Variants in KLF12 observed in about 807,000 individuals in gnomAD.
KLF12 encodes KLF transcription factor 12.
Under a neutral mutation model 37.8 loss-of-function variants are expected in KLF12, and 9 were observed. The observed-to-expected ratio is 0.24, with a 90% CI of 0.14 to 0.42. The LOEUF (loss-of-function observed/expected upper bound fraction) is 0.42. Ranked by LOEUF, KLF12 falls within the 10% of genes least tolerant of loss-of-function variation. The pLI, the probability that KLF12 is intolerant of heterozygous loss-of-function variation, is 1.00. For synonymous variants in KLF12, 208 were observed against 202.1 expected (o/e 1.03, Z -0.25); for missense variants, 411 against 516.0 (o/e 0.80, Z 1.97).
chr13:74,036,396 C>T (rs1043955393), intron 1 of KLF12, among the ~76,000 whole-genome samples: 6 of 152,118 alleles, frequency 3.9e-5, no homozygotes, highest in African/African-American at 1.4e-4. Context: ...AAATGAAAAA[C>T]AAGCTATTTT....
intron 1 of KLF12, among the ~76,000 whole-genome samples, chr13:74,018,057 A>G (rs1892745125): frequency 6.6e-6 from 1 of 151,946 alleles, no homozygotes; most frequent in African/African-American, 2.4e-5. Flanking sequence ...GCCAGGAGAA[A>G]ACTTTTGAAA....
chr13:74,199,937 T>C, the KLF12 span, among the ~76,000 whole-genome samples: 1 of 152,178 alleles, frequency 6.6e-6, no homozygotes, highest in Non-Finnish European at 1.5e-5. Context: ...TAGTAAGTAA[T>C]GATCACTAGT....
rs1467027397 is a variant in KLF12 at position 73,691,917 on chromosome 13, A to G, written c.*3573T>C. The G allele has an allele frequency of 6.6e-6, 1 of 152,630 alleles. No individual in the cohort carries two copies. Among genetic ancestry groups the G allele is most frequent in the African/African-American group, 2.4e-5 (1 of 41,448 alleles). 9.5% of individuals were successfully genotyped at this position (152,630 alleles called of 1,614,324 possible). ...GAACCATAATGAAAACGGCCTTTCT[A>G]ATCACCTGGAACTGGCATTTGTAAA... On this transcript the variant is annotated 3_prime_UTR_variant, in exon 8 of 8. Transcript: ENST00000377669.
intron 5 of KLF12, among the ~76,000 whole-genome samples, chr13:73,768,554 AT>A (rs10551193): frequency 6.6e-6 from 1 of 151,740 alleles, no homozygotes; most frequent in Non-Finnish European, 1.5e-5. Flanking sequence ...CAGGCAGCTC[AT>A]TTTTTTCTGC....
chr13:73,923,997 T>C (rs1365225128), intron 3 of KLF12, among the ~76,000 whole-genome samples: 1 of 152,216 alleles, frequency 6.6e-6, no homozygotes, highest in Non-Finnish European at 1.5e-5. Context: ...ATTTTTCACT[T>C]TTCTCTTGGG....
intron 3 of KLF12, among the ~76,000 whole-genome samples, chr13:73,867,198 ACT>A (rs1002600031): frequency 5.9e-5 from 9 of 152,230 alleles, no homozygotes; most frequent in African/African-American, 1.9e-4. Context: ...AAATGTAGTA[ACT>A]CTTAAATATA....
rs200970151 is a variant in KLF12, at chr13:73,821,715, C to T, written c.671-8428G>A. ...TACCGAATATGGTTCAGCAGCCCTC[C>T]GCATCCTACAACTCATTTTCCACTG... On this transcript the variant is annotated intron_variant, in intron 4 of 7. Transcript: ENST00000377669. Among the ~76,000 whole-genome samples the T allele has an allele frequency of 2.6e-5, 4 of 152,080 alleles. No homozygotes were observed. The East Asian group carries it at 7.7e-4, about 29-fold the overall frequency.
At chr13:74,200,727 G>C in the KLF12 span, among the ~76,000 whole-genome samples, 1 of 152,180 alleles carries the variant, frequency 6.6e-6, no homozygotes, top group East Asian at 1.9e-4. Flanking sequence ...CAATGTCATA[G>C]AGAGTTTCTG....
At chr13:74,109,173 T>C (rs1194040782) in intron 1 of KLF12, among the ~76,000 whole-genome samples, 2 of 152,180 alleles carry the variant, frequency 1.3e-5, no homozygotes, top group African/African-American at 4.8e-5. Flanking sequence ...TTTTTGAAGA[T>C]ATAAAAATAC....
chr13:73,753,108 A>T (rs1346612376), intron 6 of KLF12, among the ~76,000 whole-genome samples: 2 of 151,934 alleles, frequency 1.3e-5, no homozygotes, highest in African/African-American at 4.8e-5. Context: ...AGCCTGAAAC[A>T]TAAGACTCCA....
At chr13:73,829,160 T>C (rs2138566735) in intron 4 of KLF12, among the ~76,000 whole-genome samples, 2 of 152,304 alleles carry the variant, frequency 1.3e-5, no homozygotes, top group South Asian at 4.1e-4. Context: ...CTGTACGTTG[T>C]GCATGTGGTT....
chr13:73,928,185 T>C (rs1889495132), intron 3 of KLF12, among the ~76,000 whole-genome samples: 1 of 152,220 alleles, frequency 6.6e-6, no homozygotes, highest in Admixed American at 6.5e-5. Flanking sequence ...CACGATGATT[T>C]CTGGGGATCT....
chr13:74,216,849 C>T, the KLF12 span, among the ~76,000 whole-genome samples: 1 of 152,156 alleles, frequency 6.6e-6, no homozygotes, highest in East Asian at 1.9e-4. Context: ...GATTTATTGA[C>T]AATGAATTTC....
At chr13:74,062,730 G>C (rs1027685914) in intron 1 of KLF12, among the ~76,000 whole-genome samples, 3 of 152,112 alleles carry the variant, frequency 2.0e-5, no homozygotes, top group Non-Finnish European at 4.4e-5. Context: ...AGCTGTGTCA[G>C]CAAAGGGCAT....
chr13:74,142,276 T>C, the KLF12 span, among the ~76,000 whole-genome samples: 1 of 152,208 alleles, frequency 6.6e-6, no homozygotes, highest in Non-Finnish European at 1.5e-5. Flanking sequence ...TTTTTAAAAG[T>C]TGGATAAGCA....
chr13:73,862,232 T>C (rs1237348628), intron 3 of KLF12, among the ~76,000 whole-genome samples: 1 of 152,178 alleles, frequency 6.6e-6, no homozygotes, highest in Non-Finnish European at 1.5e-5. Flanking sequence ...TTGAATTAGT[T>C]TTACAACATG....
At chr13:73,899,064 G>A (rs1028679178) in intron 3 of KLF12, among the ~76,000 whole-genome samples, 1 of 152,240 alleles carries the variant, frequency 6.6e-6, no homozygotes, top group Non-Finnish European at 1.5e-5. Context: ...GCCATCACCA[G>A]ATGTCTGACA....
At chr13:73,954,732 C>T (rs1452279954) in intron 2 of KLF12, among the ~76,000 whole-genome samples, 1 of 152,158 alleles carries the variant, frequency 6.6e-6, no homozygotes, top group South Asian at 2.1e-4. Context: ...TACACTTGAC[C>T]CAATATATAA....
Position 73,952,432 on chromosome 13 carries a change from C to T in KLF12, c.34-8362G>A, listed in dbSNP as rs555556761. 4.6e-5 allele frequency among the ~76,000 whole-genome samples: 7 copies of T among 152,288 alleles called. No homozygotes were observed. In the South Asian group the frequency reaches 8.3e-4, roughly 18 times the overall value. On this transcript the variant is annotated intron_variant, in intron 2 of 7. Transcript: ENST00000377669. Reference sequence around the variant, plus strand: ...CAACCAGATCTCCTGAGAACTCACTCACAAGACAGCAGTAGGGCAGTGGTG... The same window carrying T: ...CAACCAGATCTCCTGAGAACTCACTTACAAGACAGCAGTAGGGCAGTGGTG...
Sources: gnomAD v4.1 joint callset for allele counts (sites outside exome capture counted in the v4.1 genomes callset) on GRCh38, gnomAD v4.1.1 for gene constraint, MANE v1.5 for transcripts, NCBI Gene and HGNC (gene_info 2026-07-23, HGNC 2026-07-21) for gene names.